Variants in FAM163A observed in about 807,000 individuals in gnomAD.
FAM163A encodes family with sequence similarity 163 member A.
Under a neutral mutation model 12.0 loss-of-function variants are expected in FAM163A, and 7 were observed. The observed-to-expected ratio is 0.58, with a 90% confidence interval of 0.33 to 1.10. FAM163A has a LOEUF of 1.10. Among genes scored for constraint, FAM163A ranks in the 50% least tolerant of loss-of-function variants. FAM163A has a pLI of 0.03. For missense variants in FAM163A, 202 were observed against 218.6 expected, an observed-to-expected ratio of 0.92 and a Z score of 0.48; for synonymous variants, 101 against 91.0, an observed-to-expected ratio of 1.11 and a Z score of -0.62.
chr1:179,750,673 G>C (rs561595988), intron 1 of FAM163A, among the ~76,000 whole-genome samples: 5 of 152,338 alleles, frequency 3.3e-5, no homozygotes, highest in Admixed American at 3.3e-4. Flanking sequence ...TTTTGAGGTT[G>C]ATTCTAAAGC....
chr1:179,755,191 A>C (rs113903634), intron 1 of FAM163A, among the ~76,000 whole-genome samples: 2 of 39,668 alleles, frequency 5.0e-5, no homozygotes, highest in African/African-American at 2.4e-4. Flanking sequence ...TCTAGTGGTC[A>C]GTGAAGAATA....
Position 179,813,981 on chromosome 1 carries a change from C to T in FAM163A, c.296C>T (p.Ser99Phe). 1.9e-6 allele frequency: 3 copies of T among 1,613,704 alleles called. No homozygotes were observed. Among genetic ancestry groups the T allele is most frequent in the Non-Finnish European group, 2.5e-6 (3 of 1,179,740 alleles). ...GCCGCGAGCCACTGCACTACCTGCT[C>T]CCCATACAGCTCCCCCTTTTACATA... is the stretch of plus-strand genomic sequence containing the variant. ...GVAASHCTTC[S>F]PYSSPFYIRT... The change falls in exon 5 of 5, where the codon TCC (serine) becomes TTC (phenylalanine). Residue 99 changes from serine (S) to phenylalanine (F), a missense_variant. Transcript: ENST00000341785.
intron 1 of FAM163A, among the ~76,000 whole-genome samples, chr1:179,777,419 G>T (rs545688882): frequency 6.6e-6 from 1 of 152,292 alleles, no homozygotes; most frequent in Admixed American, 6.5e-5. Context: ...CAGAAATGCT[G>T]TGGGTGAGTT....
intron 1 of FAM163A, among the ~76,000 whole-genome samples, chr1:179,766,316 A>G (rs1687490516): frequency 6.6e-6 from 1 of 152,222 alleles, no homozygotes; most frequent in Non-Finnish European, 1.5e-5. Context: ...ACTGTAGGTC[A>G]TGAGACCCCC....
chr1:179,797,272 C>A (rs376565892), intron 1 of FAM163A, among the ~76,000 whole-genome samples: 6 of 152,122 alleles, frequency 3.9e-5, no homozygotes, highest in African/African-American at 1.4e-4. Flanking sequence ...CATGGTGAAA[C>A]CTCGTCTCTA....
At chr1:179,744,324 G>T (rs151056097) in intron 1 of FAM163A, among the ~76,000 whole-genome samples, 1 of 152,164 alleles carries the variant, frequency 6.6e-6, no homozygotes, top group East Asian at 2.0e-4. Context: ...CGGCCCAGAG[G>T]GGGGCCTGGC....
intron 1 of FAM163A, among the ~76,000 whole-genome samples, chr1:179,772,113 A>G (rs1053384964): frequency 6.6e-6 from 1 of 152,086 alleles, no homozygotes; most frequent in Non-Finnish European, 1.5e-5. Flanking sequence ...ATCAAGGTCA[A>G]AGTCAAGCTG....
chr1:179,745,250 T>TC (rs998584215), intron 1 of FAM163A, among the ~76,000 whole-genome samples: 83 of 152,196 alleles, frequency 5.5e-4, no homozygotes, highest in African/African-American at 1.9e-3. Flanking sequence ...TTCAGTGACC[T>TC]CATCAGGCAT....
upstream of FAM163A, among the ~76,000 whole-genome samples, chr1:179,740,472 A>C (rs1422751405): frequency 6.6e-6 from 1 of 151,972 alleles, no homozygotes; most frequent in African/African-American, 2.4e-5. Flanking sequence ...TGGGGAAAAA[A>C]CCCTAAATGT....
the FAM163A span, among the ~76,000 whole-genome samples, chr1:179,734,287 G>T: frequency 6.6e-6 from 1 of 152,226 alleles, no homozygotes; most frequent in East Asian, 1.9e-4. Flanking sequence ...TTAATAATCT[G>T]GCTCCTGACT....
At chr1:179,767,042 C>T (rs962363685) in intron 1 of FAM163A, among the ~76,000 whole-genome samples, 1 of 152,146 alleles carries the variant, frequency 6.6e-6, no homozygotes, top group African/African-American at 2.4e-5. Context: ...AGACATGAAC[C>T]ACCGCCCCCG....
At chr1:179,787,501 G>C (rs1690811285) in intron 1 of FAM163A, among the ~76,000 whole-genome samples, 1 of 152,180 alleles carries the variant, frequency 6.6e-6, no homozygotes, top group African/African-American at 2.4e-5. Context: ...ATGACCCTGA[G>C]AGCATTGCTA....
chr1:179,736,581 G>A, the FAM163A span, among the ~76,000 whole-genome samples: 52 of 152,210 alleles, frequency 3.4e-4, 1 homozygote, highest in African/African-American at 1.1e-3. Context: ...AGGCCAAGGC[G>A]GGTGGATCAC....
chr1:179,752,098 C>T (rs1685351420), intron 1 of FAM163A, among the ~76,000 whole-genome samples: 1 of 152,106 alleles, frequency 6.6e-6, no homozygotes, highest in Non-Finnish European at 1.5e-5. Flanking sequence ...GGTATAAAGA[C>T]ACATAGATTA....
At chr1:179,801,860 C>T (rs927102114) in intron 1 of FAM163A, among the ~76,000 whole-genome samples, 11 of 152,136 alleles carry the variant, frequency 7.2e-5, no homozygotes, top group South Asian at 2.1e-4. Context: ...AACAAAGACG[C>T]GTGATTCCAA....
chr1:179,752,557 CA>C (rs1228990681), intron 1 of FAM163A, among the ~76,000 whole-genome samples: 2 of 150,540 alleles, frequency 1.3e-5, no homozygotes, highest in African/African-American at 4.9e-5. Context: ...TACATCTGAT[CA>C]GGGGTTAATT....
chr1:179,743,973 A>G (rs892971852), intron 1 of FAM163A, among the ~76,000 whole-genome samples: 2 of 152,144 alleles, frequency 1.3e-5, no homozygotes, highest in East Asian at 3.9e-4. Flanking sequence ...TGCTGGGCCA[A>G]TGCGCCGCCG....
At chr1:179,760,208 T>C (rs1220197048) in intron 1 of FAM163A, among the ~76,000 whole-genome samples, 1 of 152,184 alleles carries the variant, frequency 6.6e-6, no homozygotes, top group Non-Finnish European at 1.5e-5. Flanking sequence ...TTGTTTCTGA[T>C]GCCTCACATA....
At chr1:179,755,222 T>C (rs1685851524) in intron 1 of FAM163A, among the ~76,000 whole-genome samples, 1 of 147,148 alleles carries the variant, frequency 6.8e-6, no homozygotes, top group Non-Finnish European at 1.5e-5. Flanking sequence ...AGAAGTGGGG[T>C]AGAATGGGGA....
Sources: allele counts gnomAD v4.1 joint callset (sites outside exome capture counted in the v4.1 genomes callset), GRCh38; gene constraint gnomAD v4.1.1; transcripts MANE v1.5; gene names NCBI Gene and HGNC (gene_info 2026-07-23, HGNC 2026-07-21).